The following ALK variants were observed in gnomAD, a reference collection of about 807,000 sequenced individuals.
ALK encodes the protein ALK tyrosine kinase receptor.
ALK carries 74 observed loss-of-function variants against 163.1 expected under a neutral mutation model. That is an observed-to-expected ratio of 0.45 (90% CI 0.38 to 0.55). The LOEUF (loss-of-function observed/expected upper bound fraction) is 0.55. ALK is among the 20% of genes least tolerant of loss of function. The pLI is 0.00. For missense variants in ALK, 2,063 were observed against 2,105.3 expected (o/e 0.98, Z 0.39); for synonymous variants, 960 against 843.2 (o/e 1.14, Z -2.40).
rs574088320 is a variant in ALK, at chr2:29,215,151, ATGCTTGTAGCTCTCCTATTT to A, written c.3646-1090_3646-1071del. Among the ~76,000 whole-genome samples, 22 of 152,336 alleles carry A rather than the reference ATGCTTGTAGCTCTCCTATTT, an allele frequency of 1.4e-4. No homozygotes were observed. In the East Asian group the frequency reaches 4.1e-3, roughly 28 times the overall value. ...TGGGCAAACTCCCTGCAGGAAATTC[ATGCTTGTAGCTCTCCTATTT>A]TGCTCTTCTTTTGAAGGGTGGGCTG... On this transcript the variant is annotated intron_variant, in intron 23 of 28. Coordinates refer to ENST00000389048, the MANE Select transcript of ALK (RefSeq NM_004304.5).
At chr2:29,667,613 C>A (rs1253384064) in intron 3 of ALK, among the ~76,000 whole-genome samples, 1 of 151,774 alleles carries the variant, frequency 6.6e-6, no homozygotes, top group East Asian at 1.9e-4. Flanking sequence ...GTATGTTGAA[C>A]CATCCTTGCA....
At chr2:29,838,039 T>C (rs946159884) in intron 1 of ALK, among the ~76,000 whole-genome samples, 13 of 152,194 alleles carry the variant, frequency 8.5e-5, no homozygotes, top group African/African-American at 2.9e-4. Flanking sequence ...AAAGAATCCA[T>C]CTGCAATTCT....
chr2:29,714,981 C>G (rs1679205502), intron 2 of ALK, among the ~76,000 whole-genome samples: 1 of 152,090 alleles, frequency 6.6e-6, no homozygotes, highest in African/African-American at 2.4e-5. Flanking sequence ...GGTCAGCCCA[C>G]CGGGGACACT....
intron 1 of ALK, among the ~76,000 whole-genome samples, chr2:29,918,588 T>C (rs952328252): frequency 3.9e-5 from 6 of 152,164 alleles, no homozygotes; most frequent in Non-Finnish European, 2.9e-5. Flanking sequence ...CTAACACTAA[T>C]GTTGAAATGT....
chr2:29,470,171 A>T (rs10207485), intron 4 of ALK, among the ~76,000 whole-genome samples: 2 of 151,862 alleles, frequency 1.3e-5, no homozygotes, highest in African/African-American at 4.8e-5. Flanking sequence ...AGAGACTCAC[A>T]GAAAATGCCC....
chr2:29,846,015 G>C (rs928914696), intron 1 of ALK, among the ~76,000 whole-genome samples: 2 of 152,194 alleles, frequency 1.3e-5, no homozygotes, highest in Non-Finnish European at 2.9e-5. Context: ...ATATCATATA[G>C]TGCTATAGTG....
At chr2:29,891,184 T>C (rs570166120) in intron 1 of ALK, among the ~76,000 whole-genome samples, 4 of 152,352 alleles carry the variant, frequency 2.6e-5, no homozygotes, top group African/African-American at 9.6e-5. Flanking sequence ...TGCCCTAAAA[T>C]GTCTTCCTCC....
At chr2:29,358,889 T>C (rs1668319478) in intron 5 of ALK, among the ~76,000 whole-genome samples, 1 of 152,168 alleles carries the variant, frequency 6.6e-6, no homozygotes, top group Non-Finnish European at 1.5e-5. Context: ...CAATTCCCTA[T>C]TATATACGTT....
chr2:29,595,568 C>G (rs1298367191), intron 3 of ALK, among the ~76,000 whole-genome samples: 1 of 152,140 alleles, frequency 6.6e-6, no homozygotes, highest in Non-Finnish European at 1.5e-5. Flanking sequence ...GATCCGCCCG[C>G]CTCGGCCTCC....
At chr2:29,797,657 G>A (rs1664352970) in intron 1 of ALK, among the ~76,000 whole-genome samples, 1 of 152,150 alleles carries the variant, frequency 6.6e-6, no homozygotes, top group East Asian at 1.9e-4. Context: ...TTTGCTGATT[G>A]AAGGAACTGA....
intron 15 of ALK, among the ~76,000 whole-genome samples, chr2:29,229,579 G>A (rs184765882): frequency 3.3e-5 from 5 of 152,186 alleles, no homozygotes; most frequent in African/African-American, 4.8e-5. Context: ...CAGAGAGCCC[G>A]TTGCTGTCTG....
intron 3 of ALK, among the ~76,000 whole-genome samples, chr2:29,658,957 G>C (rs1677270021): frequency 6.6e-6 from 1 of 152,016 alleles, no homozygotes; most frequent in Non-Finnish European, 1.5e-5. Flanking sequence ...GAAGTTTTCA[G>C]CAAAACGAAA....
At chr2:29,870,736 T>C (rs1183331111) in intron 1 of ALK, among the ~76,000 whole-genome samples, 1 of 152,232 alleles carries the variant, frequency 6.6e-6, no homozygotes, top group Non-Finnish European at 1.5e-5. Context: ...AAGATGTACC[T>C]TAAACTAATG....
At chr2:29,858,830 G>A (rs1250031306) in intron 1 of ALK, among the ~76,000 whole-genome samples, 1 of 152,072 alleles carries the variant, frequency 6.6e-6, no homozygotes, top group Non-Finnish European at 1.5e-5. Context: ...CCTGAGGTCA[G>A]GAATTCGAGA....
At chr2:29,888,450 C>T (rs1667051345) in intron 1 of ALK, among the ~76,000 whole-genome samples, 1 of 152,094 alleles carries the variant, frequency 6.6e-6, no homozygotes. Context: ...ATAGGACCAA[C>T]TTTCTTTAAA....
intron 1 of ALK, among the ~76,000 whole-genome samples, chr2:29,851,905 G>A (rs1366341384): frequency 6.6e-6 from 1 of 152,222 alleles, no homozygotes; most frequent in Non-Finnish European, 1.5e-5. Flanking sequence ...CAGCCAAGAT[G>A]CAGAATGTCC....
chr2:29,698,209 C>T (rs1029182613), intron 2 of ALK, among the ~76,000 whole-genome samples: 1 of 152,278 alleles, frequency 6.6e-6, no homozygotes, highest in East Asian at 1.9e-4. Context: ...CACAGGCTGC[C>T]TTAATCTTCA....
intron 8 of ALK, among the ~76,000 whole-genome samples, chr2:29,316,451 GAAA>G (rs1666838538): frequency 3.3e-5 from 5 of 151,878 alleles, no homozygotes; most frequent in African/African-American, 1.2e-4. Context: ...CCAGTAAAAC[GAAA>G]CACCTGTTTA....
intron 1 of ALK, among the ~76,000 whole-genome samples, chr2:29,828,495 G>C (rs1452045300): frequency 6.6e-6 from 1 of 151,708 alleles, no homozygotes; most frequent in South Asian, 2.1e-4. Context: ...ATCAAAAAGT[G>C]GGCGAAGGAT....
Sources: gnomAD v4.1 joint callset for allele counts (sites outside exome capture counted in the v4.1 genomes callset) on GRCh38, gnomAD v4.1.1 for gene constraint, MANE v1.5 for transcripts, NCBI Gene and HGNC (gene_info 2026-07-23, HGNC 2026-07-21) for gene names.